The following FBXO31 variants were observed in gnomAD, a reference collection of about 807,000 sequenced individuals.
FBXO31 encodes F-box protein 31.
FBXO31 carries 24 observed loss-of-function variants against 54.4 expected under a neutral mutation model. That is an observed-to-expected ratio of 0.44 (90% confidence interval 0.32 to 0.62). The LOEUF (loss-of-function observed/expected upper bound fraction) is 0.62, where lower values mean the gene tolerates loss of function less well. Ranked by LOEUF, FBXO31 falls within the 20% of genes least tolerant of loss-of-function variation. The pLI, the probability that FBXO31 is intolerant of heterozygous loss-of-function variation, is 0.05. For missense variants in FBXO31, 665 were observed against 787.1 expected (o/e 0.84, Z 1.86); for synonymous variants, 388 against 335.6 (o/e 1.16, Z -1.71).
At position 87,352,580 on chromosome 16, in the gene FBXO31, C is replaced by A. The variant is rs183278714; in HGVS notation, c.413-5330G>T. Among the ~76,000 whole-genome samples the A allele has an allele frequency of 4.7e-3, 715 of 152,282 alleles. 2 individuals carry two copies. Among genetic ancestry groups the A allele is most frequent in the African/African-American group, 0.016 (651 of 41,550 alleles). On this transcript the variant is annotated intron_variant, in intron 2 of 8. Coordinates refer to ENST00000311635, the MANE Select transcript of FBXO31 (RefSeq NM_024735.5). ...TTCAGGTCCAGCCCGGAGGTCCAGA[C>A]ACGACAGGTGTGGGAAGAGGCCAGG... is the stretch of plus-strand genomic sequence containing the variant.
At chr16:87,384,027 C>A (rs1040204811), upstream of FBXO31, 7 of 192,842 alleles carry the variant, frequency 3.6e-5, no homozygotes, top group African/African-American at 1.2e-4. Context: ...TAGACTGCCC[C>A]GTGTGAGGCT....
intron 2 of FBXO31, among the ~76,000 whole-genome samples, chr16:87,357,636 G>A (rs1377132391): frequency 2.0e-5 from 3 of 152,080 alleles, no homozygotes; most frequent in East Asian, 1.9e-4. Context: ...CCAAAAAGAA[G>A]AATTAAGTTC....
chr16:87,382,662 C>T (rs1307659157), intron 1 of FBXO31, among the ~76,000 whole-genome samples: 1 of 152,196 alleles, frequency 6.6e-6, no homozygotes, highest in East Asian at 1.9e-4. Context: ...GACCAAGTCG[C>T]ACTCTGTCGC....
At chr16:87,365,681 T>C (rs1906336285) in intron 1 of FBXO31, among the ~76,000 whole-genome samples, 1 of 152,204 alleles carries the variant, frequency 6.6e-6, no homozygotes, top group African/African-American at 2.4e-5. Context: ...TCTGGAAAAG[T>C]TCTGAGCAAA....
At chr16:87,374,192 T>C (rs1346352278) in intron 1 of FBXO31, among the ~76,000 whole-genome samples, 2 of 150,796 alleles carry the variant, frequency 1.3e-5, no homozygotes, top group African/African-American at 4.9e-5. Flanking sequence ...CCGTGAGCCA[T>C]GATCGCGCCA....
At chr16:87,379,463 C>G (rs1462129282) in intron 1 of FBXO31, among the ~76,000 whole-genome samples, 2 of 152,180 alleles carry the variant, frequency 1.3e-5, no homozygotes, top group Non-Finnish European at 2.9e-5. Flanking sequence ...AACCTCAGCA[C>G]ATGATGTTCC....
chr16:87,344,926 G>A (rs1446871497), intron 3 of FBXO31, among the ~76,000 whole-genome samples: 9 of 143,442 alleles, frequency 6.3e-5, no homozygotes, highest in Non-Finnish European at 1.2e-4. Flanking sequence ...ACCCCACCTG[G>A]GGGCAGAGCC....
intron 5 of FBXO31, among the ~76,000 whole-genome samples, chr16:87,339,126 T>C (rs755927518): frequency 1.6e-4 from 24 of 152,342 alleles, no homozygotes; most frequent in Non-Finnish European, 3.1e-4. Context: ...CTTGGGTATG[T>C]CTTTATCAGC....
chr16:87,355,873 C>T (rs1597369848), intron 2 of FBXO31, among the ~76,000 whole-genome samples: 1 of 152,194 alleles, frequency 6.6e-6, no homozygotes, highest in African/African-American at 2.4e-5. Context: ...GCCCCAGCTG[C>T]GCGGCCTCCC....
At chr16:87,337,469 G>A (rs1302327224) in intron 5 of FBXO31, among the ~76,000 whole-genome samples, 1 of 152,224 alleles carries the variant, frequency 6.6e-6, no homozygotes, top group Non-Finnish European at 1.5e-5. Context: ...AAAGAACTGG[G>A]ACAGACAGGC....
intron 5 of FBXO31, among the ~76,000 whole-genome samples, chr16:87,340,029 T>A (rs989280933): frequency 7.9e-5 from 12 of 152,190 alleles, no homozygotes; most frequent in Non-Finnish European, 1.5e-4. Context: ...GCGCCTGTAA[T>A]CCCAGCACTT....
intron 1 of FBXO31, among the ~76,000 whole-genome samples, chr16:87,389,387 A>C (rs916151725): frequency 5.9e-5 from 9 of 152,196 alleles, no homozygotes; most frequent in Non-Finnish European, 1.3e-4. Context: ...CCATTACTAC[A>C]CAACTGTCGA....
chr16:87,392,090 G>A (rs113908918), upstream of FBXO31: 5 of 245,658 alleles, frequency 2.0e-5, no homozygotes, highest in Non-Finnish European at 3.9e-5. Context: ...CACCTCAGGG[G>A]CCTCAGGCGC....
intron 1 of FBXO31, among the ~76,000 whole-genome samples, chr16:87,364,586 T>C (rs1285456380): frequency 1.3e-5 from 2 of 152,124 alleles, no homozygotes; most frequent in Non-Finnish European, 2.9e-5. Context: ...GGCATCCAAC[T>C]GCCCACCCGT....
chr16:87,354,454 G>C (rs907829531), intron 2 of FBXO31, among the ~76,000 whole-genome samples: 1 of 149,858 alleles, frequency 6.7e-6, no homozygotes, highest in Admixed American at 6.7e-5. Flanking sequence ...GGGCAACAGA[G>C]CGAGATCCTG....
At chr16:87,350,908 C>CAGTTCTAAAGCGACATCCT (rs2150679574) in intron 2 of FBXO31, among the ~76,000 whole-genome samples, 1 of 152,334 alleles carries the variant, frequency 6.6e-6, no homozygotes, top group South Asian at 2.1e-4. Flanking sequence ...TGCGAGATGC[C>CAGTTCTAAAGCGACATCCT]AGTTCTAAAG....
In FBXO31 at chr16:87,345,421, G is replaced by A. The variant is rs1182535841; in HGVS notation, c.490-1656C>T. Among the ~76,000 whole-genome samples the A allele has an allele frequency of 6.6e-6, 1 of 152,158 alleles. No homozygotes were observed. Among genetic ancestry groups the A allele is most frequent in the African/African-American group, 2.4e-5 (1 of 41,440 alleles). On this transcript the variant is annotated intron_variant, in intron 3 of 8. Transcript: ENST00000311635. This position sits in a 1 kb window ranked among gnomAD's most constrained non-coding sequence, Gnocchi z 4.9. ...CATGCAGACACTGGCACCACGCAGA[G>A]CCCGCAGAGCACCACCTCCTCACCC...
chr16:87,332,959 A>G (rs973130890), intron 8 of FBXO31, among the ~76,000 whole-genome samples: 6 of 152,198 alleles, frequency 3.9e-5, no homozygotes, highest in Non-Finnish European at 7.3e-5. Context: ...GTGGTGATGG[A>G]ATGTTCTAGA....
intron 1 of FBXO31, among the ~76,000 whole-genome samples, chr16:87,372,393 T>G (rs1906640666): frequency 6.6e-6 from 1 of 152,138 alleles, no homozygotes; most frequent in Non-Finnish European, 1.5e-5. Context: ...TTCCCCACAG[T>G]GCTGAGACCC....
Sources: allele counts gnomAD v4.1 joint callset (sites outside exome capture counted in the v4.1 genomes callset), GRCh38; gene constraint gnomAD v4.1.1; non-coding constraint Gnocchi (gnomAD v3.1); transcripts MANE v1.5; gene names NCBI Gene and HGNC (gene_info 2026-07-23, HGNC 2026-07-21).